COL11A2: variants seen among roughly 807,000 people sequenced by gnomAD.
The protein encoded by COL11A2 is collagen type XI alpha 2 chain, also known as collagen alpha-2(XI) chain.
A neutral mutation model predicts 273.4 loss-of-function variants in COL11A2; 116 were observed. The ratio of observed to expected loss-of-function variants is 0.42; its 90% CI spans 0.36 to 0.49. COL11A2 has a LOEUF of 0.49. Ranked by LOEUF, COL11A2 falls within the 20% of genes least tolerant of loss-of-function variation. COL11A2 has a pLI of 0.00. For synonymous variants in COL11A2, 782 were observed against 864.2 expected, an observed-to-expected ratio of 0.90 and a Z score of 1.67; for missense variants, 1,866 against 2,309.0, an observed-to-expected ratio of 0.81 and a Z score of 3.93.
Position 33,185,592 on chromosome 6 carries a change from A to T in COL11A2, c.876+109T>A. ...CTAAGTAAATCCCCATAATCTAAACACACTGTGCCTCTCCCCACGGCATGG... is the reference window on the plus strand; with the variant it reads ...CTAAGTAAATCCCCATAATCTAAACTCACTGTGCCTCTCCCCACGGCATGG... On this transcript the variant is annotated intron_variant, in intron 6 of 65. Coordinates refer to ENST00000341947, the MANE Select transcript of COL11A2 (RefSeq NM_080680.3). 3.8e-6 allele frequency: 2 copies of T among 523,250 alleles called. 1 individual carries two copies. Among genetic ancestry groups the T allele is most frequent in the South Asian group, 2.9e-5 (2 of 69,120 alleles). 32.4% of individuals were successfully genotyped at this position (523,250 alleles called of 1,614,324 possible). A position where few individuals can be genotyped will look rare whatever the true frequency, so the allele number is the denominator to read the frequency against.
Position 33,169,512 on chromosome 6 carries a change from C to G in COL11A2, c.3691-22G>C. The G allele has an allele frequency of 6.2e-7, 1 of 1,606,728 alleles. No individual in the cohort carries two copies. Among genetic ancestry groups the G allele is most frequent in the Non-Finnish European group, 8.5e-7 (1 of 1,174,844 alleles). On this transcript the variant is annotated intron_variant, in intron 50 of 65. Coordinates refer to ENST00000341947, the MANE Select transcript of COL11A2 (RefSeq NM_080680.3). This position sits in a 1 kb window ranked among gnomAD's most constrained non-coding sequence, Gnocchi z 5.5. ...GACCCTGCAGAACAAGCGGAGGACA[C>G]AGATGGCCCAGGGAATCTTGAAGAT...
At chr6:33,183,642 GTT>G (rs1771995494) in intron 8 of COL11A2, among the ~76,000 whole-genome samples, 1 of 152,160 alleles carries the variant, frequency 6.6e-6, no homozygotes, top group East Asian at 1.9e-4. Context: ...ACCTGACACA[GTT>G]ACCAAGATGG....
In COL11A2 at chr6:33,179,484, C is replaced by T. The variant is rs1209383912; in HGVS notation, c.1450G>A (p.Ala484Thr). The T allele has an allele frequency of 6.4e-7, 1 of 1,561,756 alleles. No individual in the cohort carries two copies. The highest frequency in any genetic ancestry group is 2.4e-5 in the East Asian group (1 of 42,176). The change falls in exon 14 of 66, where the codon GCG becomes ACG. Residue 484 changes from alanine to threonine, a missense_variant. Ala to Thr is a moderately conservative substitution (Grantham distance 58). Coordinates refer to ENST00000341947, the MANE Select transcript of COL11A2 (RefSeq NM_080680.3). This position sits in a 1 kb window ranked among gnomAD's most constrained non-coding sequence, Gnocchi z 6.4. ...AQAILQQARL[A>T]LRGPPGPMGY... ...ATGGGGCCAGGGGGTCCACGGAGCG[C>T]CAGCTAGGGGAGCAGGGGGACAGCA... is the stretch of plus-strand genomic sequence containing the variant.
chr6:33,164,983 G>C lies in COL11A2; in HGVS notation c.4751-19C>G. The C allele has an allele frequency of 3.2e-6, 5 of 1,548,966 alleles. No individual in the cohort carries two copies. The highest frequency in any genetic ancestry group is 4.4e-6 in the Non-Finnish European group (5 of 1,141,794). On this transcript the variant is annotated intron_variant, in intron 63 of 65. Transcript: ENST00000341947. This position sits in a 1 kb window ranked among gnomAD's most constrained non-coding sequence, Gnocchi z 4.7. Reference sequence around the variant, plus strand: ...TACTCTCCTGTTGGGTGAGGGAGAGGGGAGGTCAGGGCCACCTAGGTCCAG... The same window carrying C: ...TACTCTCCTGTTGGGTGAGGGAGAGCGGAGGTCAGGGCCACCTAGGTCCAG...
Position 33,173,612 on chromosome 6 carries a change from C to T in COL11A2, c.2629-57G>A, listed in dbSNP as rs970902. Reference sequence around the variant, plus strand: ...TGGGGGCAGGGGCTGAGTGGGGGAACTCAGCTTCCTTCCTGGGGTGAGGAG... The same window carrying T: ...TGGGGGCAGGGGCTGAGTGGGGGAATTCAGCTTCCTTCCTGGGGTGAGGAG... On this transcript the variant is annotated intron_variant, in intron 35 of 65. Coordinates refer to ENST00000341947, the MANE Select transcript of COL11A2 (RefSeq NM_080680.3). This position sits in a 1 kb window ranked among gnomAD's most constrained non-coding sequence, Gnocchi z 6.3. 0.52 allele frequency: 610,957 copies of T among 1,174,780 alleles called. 170,451 individuals carry two copies. Among genetic ancestry groups the T allele is most frequent in the East Asian group, 0.83 (34,350 of 41,520 alleles). The allele number at this position is 1,174,780 out of a possible 1,614,324, so 72.8% of individuals were successfully genotyped here.
chr6:33,188,727 T>C (rs1772723723), intron 3 of COL11A2, among the ~76,000 whole-genome samples: 3 of 152,214 alleles, frequency 2.0e-5, no homozygotes, highest in Non-Finnish European at 4.4e-5. Flanking sequence ...AATGTCTATT[T>C]TACAGATGTA....
chr6:33,164,298 G>A lies in COL11A2; in HGVS notation c.5039C>T (p.Pro1680Leu). The A allele has an allele frequency of 6.2e-7, 1 of 1,612,954 alleles. No homozygotes were observed. Among genetic ancestry groups the A allele is most frequent in the Admixed American group, 1.7e-5 (1 of 60,006 alleles). Reference sequence around the variant, plus strand: ...GCCATCTCTGAATTCTTTGACATAGGGGCTAGTCTCCGGGCTCAGCTCATC... The same window carrying A: ...GCCATCTCTGAATTCTTTGACATAGAGGCTAGTCTCCGGGCTCAGCTCATC... ...NEDELSPETSPYVKEFRDGCQ... is the reference protein window; with the variant it reads ...NEDELSPETSLYVKEFRDGCQ... The change falls in exon 65 of 66, where the codon CCC (proline) becomes CTC (leucine). Residue 1680 changes from proline to leucine, a missense_variant. Physicochemically the swap from Pro to Leu is moderately conservative, Grantham distance 98. Coordinates refer to ENST00000341947, the MANE Select transcript of COL11A2 (RefSeq NM_080680.3). This position sits in a 1 kb window ranked among gnomAD's most constrained non-coding sequence, Gnocchi z 4.7.
intron 8 of COL11A2, among the ~76,000 whole-genome samples, chr6:33,183,698 C>T (rs1349804685): frequency 2.0e-5 from 3 of 151,986 alleles, no homozygotes; most frequent in Non-Finnish European, 4.4e-5. Flanking sequence ...TAATAAGTGG[C>T]CTGTAGGTTA....
rs1017887420 is a variant in COL11A2, at chr6:33,168,558, G to A, written c.3921C>T (p.Pro1307=). The A allele has an allele frequency of 8.1e-6, 13 of 1,613,676 alleles. No homozygotes were observed. The highest frequency in any genetic ancestry group is 1.7e-4 in the Middle Eastern group (1 of 6,058). ...GCCCTGGGGGTCCATTCTCCCCGGT[G>A]GGACCAGGGGATCCCTAGGGAGAGA... ...GEPGQPGSPG[P]TGENGPPGPL... The change falls in exon 54 of 66, where the codon CCC becomes CCT. Residue 1307 remains proline, a synonymous_variant. Coordinates refer to ENST00000341947, the MANE Select transcript of COL11A2 (RefSeq NM_080680.3).
chr6:33,193,424 C>A (rs1252465323), upstream of COL11A2, among the ~76,000 whole-genome samples: 2 of 140,560 alleles, frequency 1.4e-5, no homozygotes, highest in African/African-American at 5.2e-5. Context: ...ACACCCTCTC[C>A]CCCCCTCCCC....
At chr6:33,172,915 G>T (rs1770318307) in intron 38 of COL11A2, 145 bp downstream of exon 38, 2 of 912,034 alleles carry the variant, frequency 2.2e-6, no homozygotes, top group Non-Finnish European at 3.5e-6. Context: ...CAGGACCCCT[G>T]CCTGAAATCC....
In COL11A2 at chr6:33,178,037, C is replaced by G. The variant is rs573400874; in HGVS notation, c.1872+95G>C. ...AGCTCACAGGGAATGGGAAGCATGC[C>G]GAGAGAGGAGAGGGAGCAGGAAGGC... On this transcript the variant is annotated intron_variant, in intron 21 of 65. Transcript: ENST00000341947. This position sits in a 1 kb window ranked among gnomAD's most constrained non-coding sequence, Gnocchi z 4.6. 2.3e-6 allele frequency: 3 copies of G among 1,297,742 alleles called. No homozygotes were observed. In the Admixed American group the frequency reaches 5.7e-5, roughly 25 times the overall value. 80.4% of individuals were successfully genotyped at this position (1,297,742 alleles called of 1,614,324 possible). A position where few individuals can be genotyped will look rare whatever the true frequency, so the allele number is the denominator to read the frequency against.
chr6:33,186,473 G>T, intron 5 of COL11A2, 154 bp downstream of exon 5: 2 of 1,472,316 alleles, frequency 1.4e-6, no homozygotes, highest in Non-Finnish European at 1.8e-6. Context: ...TTTATTTTTA[G>T]ATGAAAATAA....
Position 33,172,058 on chromosome 6 carries a change from CA to C in COL11A2, c.3033del (p.Gly1012AlafsTer333). 2 of 1,613,042 alleles carry C rather than the reference CA, an allele frequency of 1.2e-6. No individual in the cohort carries two copies. The highest frequency in any genetic ancestry group is 1.1e-5 in the South Asian group (1 of 91,082). On this transcript the variant is annotated frameshift_variant, in exon 41 of 66. Coordinates refer to ENST00000341947, the MANE Select transcript of COL11A2 (RefSeq NM_080680.3). LOFTEE classifies it high-confidence loss of function. ...LKGNEGPSGP[P>X]GPAGSPGERG... ...CGGAACCCCAGACTCACTGCAGGGC[CA>C]GGGGGGCCAGACGGACCTTCATTCC... is the stretch of plus-strand genomic sequence containing the variant.
In COL11A2 at chr6:33,163,581, G is replaced by T; in HGVS notation, c.*97C>A. ...CCACGCCCTGGCCCAGGGCTCCCTA[G>T]ATAGTGAGGAGCCCTCTTGGGAGGT... On this transcript the variant is annotated 3_prime_UTR_variant, in exon 66 of 66. Coordinates refer to ENST00000341947, the MANE Select transcript of COL11A2 (RefSeq NM_080680.3). The surrounding 1 kb of genome is among the most constrained non-coding windows in gnomAD (Gnocchi z 4.1). The T allele has an allele frequency of 6.3e-7, 1 of 1,580,050 alleles. No homozygotes were observed. Among genetic ancestry groups the T allele is most frequent in the Non-Finnish European group, 8.7e-7 (1 of 1,150,386 alleles).
rs573876238 is a variant in COL11A2, at chr6:33,166,233, C to T, written c.4393-27G>A. The T allele has an allele frequency of 8.8e-6, 14 of 1,589,408 alleles. No homozygotes were observed. The highest frequency in any genetic ancestry group is 1.1e-5 in the South Asian group (1 of 87,326). ...TGTGAAATGAGGAACAAGAAAGAGA[C>T]GGTCACTGCAGGGGAAGGACAGGAC... is the stretch of plus-strand genomic sequence containing the variant. On this transcript the variant is annotated intron_variant, in intron 60 of 65. Coordinates refer to ENST00000341947, the MANE Select transcript of COL11A2 (RefSeq NM_080680.3). This position sits in a 1 kb window ranked among gnomAD's most constrained non-coding sequence, Gnocchi z 4.8.
chr6:33,168,086 T>C (rs1467981895), intron 54 of COL11A2, among the ~76,000 whole-genome samples: 1 of 152,094 alleles, frequency 6.6e-6, no homozygotes, highest in Non-Finnish European at 1.5e-5. Context: ...CCCTACCTGG[T>C]GGCCCGTCTC....
chr6:33,177,180 C>A lies in COL11A2; in HGVS notation c.2016+1G>T. 6.2e-7 allele frequency: 1 copy of A among 1,613,056 alleles called. No homozygotes were observed. Among genetic ancestry groups the A allele is most frequent in the Non-Finnish European group, 8.5e-7 (1 of 1,180,024 alleles). Reference sequence around the variant, plus strand: ...GTCCTCCAAATCACTTAGTCACTTACCTTCTCTCCATGAGGGCCGATGGCA... The same window carrying A: ...GTCCTCCAAATCACTTAGTCACTTAACTTCTCTCCATGAGGGCCGATGGCA... On this transcript the variant is annotated splice_donor_variant, in intron 24 of 65. Transcript: ENST00000341947. LOFTEE classifies it high-confidence loss of function. This position sits in a 1 kb window ranked among gnomAD's most constrained non-coding sequence, Gnocchi z 5.9.
Position 33,166,402 on chromosome 6 carries a change from C to A in COL11A2, c.4392+111G>T. ...GGTGGTGACAGGACAAATGGGGGACCCTGAGGACTATGCTTGTTAGGCTGG... is the reference window on the plus strand; with the variant it reads ...GGTGGTGACAGGACAAATGGGGGACACTGAGGACTATGCTTGTTAGGCTGG... On this transcript the variant is annotated intron_variant, in intron 60 of 65. Transcript: ENST00000341947. The surrounding 1 kb of genome is among the most constrained non-coding windows in gnomAD (Gnocchi z 4.8). The A allele has an allele frequency of 7.3e-7, 1 of 1,375,828 alleles. No homozygotes were observed. Among genetic ancestry groups the A allele is most frequent in the Non-Finnish European group, 1.0e-6 (1 of 991,454 alleles). 85.2% of individuals were successfully genotyped at this position (1,375,828 alleles called of 1,614,324 possible). A position where few individuals can be genotyped will look rare whatever the true frequency, so the allele number is the denominator to read the frequency against.
Sources: allele counts gnomAD v4.1 joint callset (sites outside exome capture counted in the v4.1 genomes callset), GRCh38; gene constraint gnomAD v4.1.1; non-coding constraint Gnocchi (gnomAD v3.1); transcripts MANE v1.5; gene names NCBI Gene and HGNC (gene_info 2026-07-23, HGNC 2026-07-21).